The following KIF23 variants were observed in gnomAD, a reference collection of about 807,000 sequenced individuals.
The protein encoded by KIF23 is kinesin-like protein KIF23.
KIF23 carries 30 observed loss-of-function variants against 137.5 expected under a neutral mutation model. The ratio of observed to expected loss-of-function variants is 0.22; its 90% CI spans 0.16 to 0.30. The LOEUF is 0.30. Among genes scored for constraint, KIF23 ranks in the 10% least tolerant of loss-of-function variants. KIF23 has a pLI of 1.00. For synonymous variants in KIF23, 367 were observed against 391.1 expected, an observed-to-expected ratio of 0.94 and a Z score of 0.73; for missense variants, 920 against 1,194.3, an observed-to-expected ratio of 0.77 and a Z score of 3.38.
chr15:69,417,816 A>G (rs1393635286), intron 3 of KIF23, among the ~76,000 whole-genome samples: 2 of 152,206 alleles, frequency 1.3e-5, no homozygotes, highest in Non-Finnish European at 2.9e-5. Context: ...GCAGTTTTAT[A>G]TATACAACTT....
Position 69,414,382 on chromosome 15 carries a change from T to C in KIF23, c.-84T>C, listed in dbSNP as rs1319807774. ...CCGCGCCTTAGCCGCGAAGTTCTAGTTCTTGCTGCCGGTCCTAACGTCCCG... is the reference window on the plus strand; with the variant it reads ...CCGCGCCTTAGCCGCGAAGTTCTAGCTCTTGCTGCCGGTCCTAACGTCCCG... On this transcript the variant is annotated 5_prime_UTR_variant, in exon 1 of 24. Coordinates refer to ENST00000679126, the MANE Select transcript of KIF23 (RefSeq NM_001367805.3). 6.5e-7 allele frequency: 1 copy of C among 1,536,660 alleles called. No homozygotes were observed. Among genetic ancestry groups the C allele is most frequent in the Non-Finnish European group, 8.8e-7 (1 of 1,137,550 alleles).
At chr15:69,418,811 A>G (rs1048026871) in intron 3 of KIF23, among the ~76,000 whole-genome samples, 2 of 152,230 alleles carry the variant, frequency 1.3e-5, no homozygotes, top group African/African-American at 2.4e-5. Context: ...TATTGAATAC[A>G]TGCTGAAATA....
chr15:69,429,164 T>A lies in KIF23; in HGVS notation c.1065T>A (p.Ser355Arg). The A allele has an allele frequency of 6.2e-7, 1 of 1,613,604 alleles. No individual in the cohort carries two copies. Among genetic ancestry groups the A allele is most frequent in the East Asian group, 2.2e-5 (1 of 44,866 alleles). Residue 355 changes from serine (S) to arginine (R), a missense_variant, in exon 11 of 24, where the codon AGT becomes AGA. Around this residue, in one of 4 missense-constraint regions of KIF23, gnomAD observed 714 missense variants for 866.2 expected, o/e 0.82. Transcript: ENST00000679126. The stretch of plus-strand genomic sequence containing the variant: ...TGTCCTTGGTAGATCTTGCTGGAAG[T>A]GAAAGAACTAACCGGACCAGAGCAG... ...SQLSLVDLAG[S>R]ERTNRTRAEG...
Position 69,423,240 on chromosome 15 carries a change from C to G in KIF23, c.645C>G (p.Val215=). The G allele has an allele frequency of 2.5e-6, 4 of 1,589,862 alleles. No homozygotes were observed. In the South Asian group the frequency reaches 4.5e-5, roughly 18 times the overall value. The change falls in exon 7 of 24, where the codon GTC becomes GTG. Residue 215 remains valine (V), a synonymous_variant. Coordinates refer to ENST00000679126, the MANE Select transcript of KIF23 (RefSeq NM_001367805.3). ...CKAEEVDEDS[V]YGVFVSYIEI... ...CAGAAGAGGTTGATGAAGATAGTGT[C>G]TATGGTGTATTTGTCTCTTATATTG...
At chr15:69,415,904 C>A in intron 1 of KIF23, 90 bp from the exon 2 acceptor site, 2 of 900,224 alleles carry the variant, frequency 2.2e-6, no homozygotes, top group Non-Finnish European at 1.6e-6. Flanking sequence ...TTACAGATAA[C>A]CTAGAAAGAT....
At chr15:69,431,933 G>T (rs1435916450) in intron 11 of KIF23, among the ~76,000 whole-genome samples, 1 of 152,222 alleles carries the variant, frequency 6.6e-6, no homozygotes, top group African/African-American at 2.4e-5. Flanking sequence ...AAGGACTCTT[G>T]CAATTTGTCT....
chr15:69,428,992 G>A, intron 10 of KIF23, 119 bp from the exon 11 acceptor site: 6 of 591,792 alleles, frequency 1.0e-5, no homozygotes, highest in Non-Finnish European at 1.7e-5. Flanking sequence ...TGCCTGTCCT[G>A]TGCATTTTGT....
At chr15:69,419,603 C>T (rs2057003038) in intron 3 of KIF23, among the ~76,000 whole-genome samples, 1 of 152,188 alleles carries the variant, frequency 6.6e-6, no homozygotes, top group Non-Finnish European at 1.5e-5. Flanking sequence ...CCCCACAACC[C>T]CTCTCCCCTG....
intron 2 of KIF23, 49 bp downstream of exon 2, chr15:69,416,112 T>G: frequency 1.7e-5 from 20 of 1,200,160 alleles, no homozygotes; most frequent in Non-Finnish European, 2.2e-5. Flanking sequence ...AACTTATCTC[T>G]TCAGTCCTTT....
rs748304276 is a variant in KIF23 at position 69,439,551 on chromosome 15, C to G, written c.1756-353C>G. On this transcript the variant is annotated intron_variant, in intron 16 of 23. Coordinates refer to ENST00000679126, the MANE Select transcript of KIF23 (RefSeq NM_001367805.3). ...GTCTGTTCTCTCATTTACAGAGGGT[C>G]ATTTAGAGGTTTGGTGGGGGTACAC... Among the ~76,000 whole-genome samples, 184 of 152,220 alleles carry G rather than the reference C, an allele frequency of 1.2e-3. 4 individuals carry two copies. The highest frequency in any genetic ancestry group is 4.3e-3 in the African/African-American group (177 of 41,538).
At chr15:69,443,137 G>A (rs1334067283) in intron 19 of KIF23, among the ~76,000 whole-genome samples, 1 of 152,064 alleles carries the variant, frequency 6.6e-6, no homozygotes, top group African/African-American at 2.4e-5. Context: ...AGCATCTTTA[G>A]TGGCAAACTG....
At chr15:69,432,703 T>A (rs2057385182) in intron 11 of KIF23, among the ~76,000 whole-genome samples, 1 of 152,230 alleles carries the variant, frequency 6.6e-6, no homozygotes, top group East Asian at 1.9e-4. Flanking sequence ...CATTGAAATG[T>A]GTTTTAAAAG....
At chr15:69,415,441 G>A (rs2056874914) in intron 1 of KIF23, among the ~76,000 whole-genome samples, 1 of 152,216 alleles carries the variant, frequency 6.6e-6, no homozygotes, top group Non-Finnish European at 1.5e-5. Flanking sequence ...AGATGCTAGA[G>A]AAATGGTGAA....
At chr15:69,421,569 C>A in intron 3 of KIF23, 78 bp from the exon 4 acceptor site, 1 of 864,610 alleles carries the variant, frequency 1.2e-6, no homozygotes, top group Non-Finnish European at 1.9e-6. Context: ...GTCATAAACA[C>A]CTTAAGTTTA....
Position 69,420,137 on chromosome 15 carries a change from G to A in KIF23, c.211-1510G>A, listed in dbSNP as rs145207392. ...AAAATTACCCAGCGTGGAGGCATGC[G>A]CCTGTAATCACAGCTACTCGGGAGG... is the stretch of plus-strand genomic sequence containing the variant. On this transcript the variant is annotated intron_variant, in intron 3 of 23. Coordinates refer to ENST00000679126, the MANE Select transcript of KIF23 (RefSeq NM_001367805.3). Among the ~76,000 whole-genome samples, 5 of 152,156 alleles carry A rather than the reference G, an allele frequency of 3.3e-5. 1 individual carries two copies. Among genetic ancestry groups the A allele is most frequent in the East Asian group, 3.9e-4 (2 of 5,164 alleles).
intron 15 of KIF23, among the ~76,000 whole-genome samples, chr15:69,438,014 C>T (rs1335769074): frequency 6.6e-6 from 1 of 152,204 alleles, no homozygotes; most frequent in African/African-American, 2.4e-5. Context: ...TGCTATAGTG[C>T]ACAGTGAAAG....
rs185043577 is a variant in KIF23 at position 69,433,774 on chromosome 15, C to T, written c.1115-1709C>T. ...TATTTTTTAGCCACATAAAAGGTAG[C>T]AGCACACTTATTTGGAAAACAATAA... On this transcript the variant is annotated intron_variant, in intron 11 of 23. Coordinates refer to ENST00000679126, the MANE Select transcript of KIF23 (RefSeq NM_001367805.3). Among the ~76,000 whole-genome samples the T allele has an allele frequency of 2.6e-5, 4 of 151,954 alleles. No individual in the cohort carries two copies. The East Asian group carries it at 5.8e-4, about 22-fold the overall frequency.
intron 11 of KIF23, chr15:69,434,461 GCC>G (rs1181860356): frequency 1.9e-6 from 1 of 514,612 alleles, no homozygotes; most frequent in African/African-American, 1.9e-5. Flanking sequence ...GTTAAGAGAT[GCC>G]TCAATATTCT....
intron 7 of KIF23, among the ~76,000 whole-genome samples, chr15:69,424,317 TA>T (rs1358797771): frequency 6.6e-6 from 1 of 152,194 alleles, no homozygotes; most frequent in Non-Finnish European, 1.5e-5. Context: ...AAGCTAAATG[TA>T]AAAATATTAA....
Sources: gnomAD v4.1 joint callset for allele counts (sites outside exome capture counted in the v4.1 genomes callset) on GRCh38, gnomAD v4.1.1 for gene constraint, gnomAD v4.1.1 regional missense constraint, MANE v1.5 for transcripts, NCBI Gene and HGNC (gene_info 2026-07-23, HGNC 2026-07-21) for gene names.